The following ZNF280D variants were observed in gnomAD, a reference collection of about 807,000 sequenced individuals.
The protein encoded by ZNF280D is suppressor of hairy wing homolog 4.
Under a neutral mutation model 94.7 loss-of-function variants are expected in ZNF280D, and 39 were observed. The observed-to-expected ratio is 0.41, with a 90% CI of 0.32 to 0.54. The LOEUF is 0.54. Ranked by LOEUF, ZNF280D falls within the 20% of genes least tolerant of loss-of-function variation. ZNF280D has a pLI of 0.22. For synonymous variants in ZNF280D, 398 were observed against 377.6 expected, an observed-to-expected ratio of 1.05 and a Z score of -0.63; for missense variants, 1,090 against 1,149.3, an observed-to-expected ratio of 0.95 and a Z score of 0.75.
Position 56,716,759 on chromosome 15 carries a change from C to T in ZNF280D, c.-85-9453G>A, listed in dbSNP as rs116545777. On this transcript the variant is annotated intron_variant, in intron 1 of 21. Coordinates refer to ENST00000267807, the MANE Select transcript of ZNF280D (RefSeq NM_017661.4). Reference sequence around the variant, plus strand: ...TATTCTATACTAATCAACACCCCCACTTGAAATACTACATATTGGCCATGA... The same window carrying T: ...TATTCTATACTAATCAACACCCCCATTTGAAATACTACATATTGGCCATGA... 8.4e-3 allele frequency among the ~76,000 whole-genome samples: 1,282 copies of T among 152,240 alleles called. 26 individuals are homozygous for T. Among genetic ancestry groups the T allele is most frequent in the African/African-American group, 0.029 (1,217 of 41,550 alleles).
intron 1 of ZNF280D, among the ~76,000 whole-genome samples, chr15:56,727,231 A>AGGCCGAGGTG (rs57892265): frequency 0.79 from 120,236 of 151,426 alleles, 47,827 homozygotes; most frequent in East Asian, 0.84. Flanking sequence ...GCACTTTGGG[A>AGGCCGAGGTG]GGTGGGTCAC....
intron 1 of ZNF280D, among the ~76,000 whole-genome samples, chr15:56,716,364 T>C (rs1350727788): frequency 1.3e-5 from 2 of 152,052 alleles, no homozygotes; most frequent in Non-Finnish European, 2.9e-5. Flanking sequence ...ATTAAGTTGT[T>C]ATTTGAAGAA....
chr15:56,636,928 A>G (rs1312798068), intron 20 of ZNF280D, among the ~76,000 whole-genome samples: 7 of 152,208 alleles, frequency 4.6e-5, no homozygotes, highest in Admixed American at 2.6e-4. Context: ...CCTAAAAGTT[A>G]ACTTTCTGAA....
rs1267066565 is a variant in ZNF280D, at chr15:56,701,011, C to T, written c.303G>A (p.Val101=). 16 of 1,613,800 alleles carry T rather than the reference C, an allele frequency of 9.9e-6. No homozygotes were observed. The highest frequency in any genetic ancestry group is 1.3e-5 in the African/African-American group (1 of 74,904). The change falls in exon 6 of 22, where the codon GTG becomes GTA. Residue 101 remains valine (V), a synonymous_variant. Coordinates refer to ENST00000267807, the MANE Select transcript of ZNF280D (RefSeq NM_017661.4). ...GATGAAAATTTATTGGTGAGGCAGG[C>T]ACTGGATTTGATGTTGGATTCGTGT... is the stretch of plus-strand genomic sequence containing the variant. The part of the protein sequence containing the change: ...QHYTNPTSNP[V]PASPINFHPE...
chr15:56,691,682 G>A (rs1216542045), intron 7 of ZNF280D, among the ~76,000 whole-genome samples: 1 of 152,052 alleles, frequency 6.6e-6, no homozygotes, highest in Non-Finnish European at 1.5e-5. Flanking sequence ...CTCCCTAGAT[G>A]GTAGTGTGTT....
chr15:56,725,731 T>A (rs1262287166), intron 1 of ZNF280D, among the ~76,000 whole-genome samples: 1 of 151,950 alleles, frequency 6.6e-6, no homozygotes, highest in African/African-American at 2.4e-5. Flanking sequence ...TAAATTACTA[T>A]GCTAGCTGGT....
chr15:56,651,546 T>C (rs2053205733), intron 19 of ZNF280D, among the ~76,000 whole-genome samples: 1 of 150,842 alleles, frequency 6.6e-6, no homozygotes, highest in South Asian at 2.1e-4. Context: ...ATACATACTA[T>C]AAAAAAAAAG....
chr15:56,633,075 C>T (rs1387439545), intron 21 of ZNF280D, among the ~76,000 whole-genome samples: 2 of 152,104 alleles, frequency 1.3e-5, no homozygotes, highest in Non-Finnish European at 2.9e-5. Context: ...CTAAGAAGAT[C>T]ATCAGTCCAT....
At chr15:56,723,446 T>G (rs770788526) in intron 1 of ZNF280D, among the ~76,000 whole-genome samples, 6 of 152,190 alleles carry the variant, frequency 3.9e-5, no homozygotes, top group African/African-American at 9.7e-5. Context: ...GAAAATATTA[T>G]GGAATTAGTG....
chr15:56,643,137 A>G, intron 19 of ZNF280D, 140 bp from the exon 20 acceptor site: 1 of 487,718 alleles, frequency 2.1e-6, no homozygotes, highest in Non-Finnish European at 3.5e-6. Context: ...TAGTAAATTG[A>G]CCTCTGTAAA....
intron 1 of ZNF280D, among the ~76,000 whole-genome samples, chr15:56,716,471 C>A (rs1596646283): frequency 1.6e-5 from 2 of 124,548 alleles, no homozygotes; most frequent in South Asian, 2.5e-4. Flanking sequence ...GATAAGCCAG[C>A]AAATATGAAA....
intron 13 of ZNF280D, among the ~76,000 whole-genome samples, chr15:56,673,862 T>A (rs1187765291): frequency 6.6e-6 from 1 of 152,056 alleles, no homozygotes; most frequent in Non-Finnish European, 1.5e-5. Flanking sequence ...GAGAGGCCCA[T>A]GTTTGAACAT....
In ZNF280D at chr15:56,700,953, C is replaced by T; in HGVS notation, c.361G>A (p.Val121Ile). 1.2e-5 allele frequency: 19 copies of T among 1,613,832 alleles called. No homozygotes were observed. The highest frequency in any genetic ancestry group is 1.6e-5 in the Non-Finnish European group (19 of 1,179,824). ...ESRSSDSSVIVQPFSKPGYIT... is the reference protein window; with the variant it reads ...ESRSSDSSVIIQPFSKPGYIT... ...CTTACAGGTTTAGAAAAAGGCTGAA[C>T]AATAACAGAACTATCTGAAGATCTA... The change falls in exon 6 of 22, where the codon GTT becomes ATT. Residue 121 changes from valine to isoleucine, a missense_variant. Coordinates refer to ENST00000267807, the MANE Select transcript of ZNF280D (RefSeq NM_017661.4).
intron 1 of ZNF280D, among the ~76,000 whole-genome samples, chr15:56,715,023 T>C (rs1321640879): frequency 6.6e-6 from 1 of 152,036 alleles, no homozygotes; most frequent in African/African-American, 2.4e-5. Context: ...CTAAAAGTGG[T>C]ACAGCAGAGG....
intron 1 of ZNF280D, among the ~76,000 whole-genome samples, chr15:56,717,364 G>A (rs2058101334): frequency 6.6e-6 from 1 of 152,054 alleles, no homozygotes; most frequent in South Asian, 2.1e-4. Context: ...TATAGGGTGG[G>A]AGAAGTAAAA....
In ZNF280D at chr15:56,708,295, G is replaced by A. The variant is rs368703188; in HGVS notation, c.-85-989C>T. On this transcript the variant is annotated intron_variant, in intron 1 of 21. Transcript: ENST00000267807. ...AGTTACTATCACATGAGACTCTAGC[G>A]AATCTTGTGCTTAACTAAATATCCC... 1.2e-4 allele frequency among the ~76,000 whole-genome samples: 19 copies of A among 152,102 alleles called. No homozygotes were observed. The East Asian group carries it at 2.5e-3, about 20-fold the overall frequency.
intron 21 of ZNF280D, among the ~76,000 whole-genome samples, chr15:56,634,504 C>T (rs2052255716): frequency 6.6e-6 from 1 of 152,054 alleles, no homozygotes; most frequent in Admixed American, 6.6e-5. Context: ...GTATAAGAAA[C>T]ACCTTCATAG....
In ZNF280D at chr15:56,676,815, AC is replaced by A; in HGVS notation, c.1264del (p.Val422PhefsTer12). The A allele has an allele frequency of 6.3e-7, 1 of 1,582,592 alleles. No individual in the cohort carries two copies. On this transcript the variant is annotated frameshift_variant and splice_region_variant, in exon 13 of 22. Transcript: ENST00000267807. LOFTEE classifies it high-confidence loss of function. ...AAATGATGATGATCTATAATTACAA[AC>A]CTAAAAAAAGAAAGAAGGCTTAGTT... ...KPGEMPYVCQ[V>X]CNYRSSSFSD...
intron 16 of ZNF280D, among the ~76,000 whole-genome samples, chr15:56,660,007 A>C (rs2053825394): frequency 6.6e-6 from 1 of 152,148 alleles, no homozygotes; most frequent in Non-Finnish European, 1.5e-5. Flanking sequence ...TAATCCCCAG[A>C]AAATATCCTC....
Sources: gnomAD v4.1 joint callset for allele counts (sites outside exome capture counted in the v4.1 genomes callset) on GRCh38, gnomAD v4.1.1 for gene constraint, MANE v1.5 for transcripts, NCBI Gene and HGNC (gene_info 2026-07-23, HGNC 2026-07-21) for gene names.